PAX7: variants seen among roughly 807,000 people sequenced by gnomAD.
PAX7 encodes paired box protein Pax-7.
A neutral mutation model predicts 50.7 loss-of-function variants in PAX7; 18 were observed. That is an observed-to-expected ratio of 0.36 (90% confidence interval 0.25 to 0.53). PAX7 has a LOEUF of 0.53. Among genes scored for constraint, PAX7 ranks in the 20% least tolerant of loss-of-function variants. The probability of loss-of-function intolerance (pLI) is 0.93; values close to 1 mark genes in which losing one functional copy is unlikely to be tolerated. For synonymous variants in PAX7, 310 were observed against 290.4 expected, an observed-to-expected ratio of 1.07 and a Z score of -0.69; for missense variants, 644 against 702.9, an observed-to-expected ratio of 0.92 and a Z score of 0.95.
chr1:18,699,198 A>G (rs1263220221), intron 5 of PAX7, among the ~76,000 whole-genome samples: 2 of 152,198 alleles, frequency 1.3e-5, no homozygotes, highest in African/African-American at 2.4e-5. Context: ...TGTCCCGTGG[A>G]GCCTGAGTCT....
At chr1:18,645,328 A>G (rs562512726) in intron 4 of PAX7, among the ~76,000 whole-genome samples, 29 of 152,132 alleles carry the variant, frequency 1.9e-4, no homozygotes, top group African/African-American at 7.0e-4. Context: ...CCTTCACTGC[A>G]CTCTTTGTCT....
rs571089190 is a variant in PAX7, at chr1:18,633,463, G to C, written c.86-840G>C. Reference sequence around the variant, plus strand: ...CCGGTTCCCAAAGTCACCCCCACCCGGGGGGACTGTGTCCCATCTGCCTAC... The same window carrying C: ...CCGGTTCCCAAAGTCACCCCCACCCCGGGGGACTGTGTCCCATCTGCCTAC... On this transcript the variant is annotated intron_variant, in intron 1 of 8. Transcript: ENST00000420770. Among the ~76,000 whole-genome samples, 3 of 152,302 alleles carry C rather than the reference G, an allele frequency of 2.0e-5. No individual in the cohort carries two copies. In the South Asian group the frequency reaches 6.2e-4, roughly 32 times the overall value.
intron 7 of PAX7, among the ~76,000 whole-genome samples, chr1:18,705,056 G>T (rs536404920): frequency 2.0e-5 from 3 of 152,144 alleles, no homozygotes; most frequent in Admixed American, 2.0e-4. Context: ...GCCCTCTCAG[G>T]GTCCGCAGTA....
intron 4 of PAX7, among the ~76,000 whole-genome samples, chr1:18,670,659 G>A (rs546447539): frequency 2.2e-4 from 33 of 152,262 alleles, no homozygotes; most frequent in Non-Finnish European, 4.0e-4. Flanking sequence ...CTGTCCATCC[G>A]TCACACCAGA....
At chr1:18,640,767 G>A (rs2088238962) in intron 4 of PAX7, among the ~76,000 whole-genome samples, 1 of 151,754 alleles carries the variant, frequency 6.6e-6, no homozygotes. Flanking sequence ...CCGGCTTTAG[G>A]CAGCGCTCGG....
chr1:18,701,384 G>T (rs528314264), intron 6 of PAX7, among the ~76,000 whole-genome samples: 15 of 152,154 alleles, frequency 9.9e-5, no homozygotes, highest in African/African-American at 3.4e-4. Flanking sequence ...GAATGAGTGT[G>T]TGTGGGTGTG....
intron 4 of PAX7, among the ~76,000 whole-genome samples, chr1:18,652,267 G>A (rs769221582): frequency 4.0e-5 from 6 of 151,408 alleles, no homozygotes; most frequent in Non-Finnish European, 7.4e-5. Context: ...CATTGCCCCA[G>A]GAAGGTAGAG....
intron 7 of PAX7, among the ~76,000 whole-genome samples, chr1:18,708,534 G>C (rs1016165629): frequency 5.9e-5 from 9 of 152,052 alleles, no homozygotes; most frequent in Non-Finnish European, 1.2e-4. Context: ...CAGCCTAGGC[G>C]ACAGAGAGAG....
intron 4 of PAX7, among the ~76,000 whole-genome samples, chr1:18,668,100 A>C (rs2088695493): frequency 6.6e-6 from 1 of 152,122 alleles, no homozygotes; most frequent in African/African-American, 2.4e-5. Context: ...CACAAATCCC[A>C]GTGCCCAAGA....
chr1:18,744,922 C>A lies in PAX7; in HGVS notation c.1511C>A (p.Ala504Asp). Reference sequence around the variant, plus strand: ...CTCCTGCCTGTGGAAACTGGCCAGGCCTACTAGGGCCCCTGGGGCGACTTG... The same window carrying A: ...CTCCTGCCTGTGGAAACTGGCCAGGACTACTAGGGCCCCTGGGGCGACTTG... ...LGLLPVETGQ[A>D]Y Residue 504 changes from alanine (A) to aspartate (D), a missense_variant, in exon 9 of 9, where the codon GCC (alanine) becomes GAC (aspartate). By Grantham distance (126) the Ala-to-Asp change is moderately radical. Transcript: ENST00000420770. The A allele has an allele frequency of 6.5e-7, 1 of 1,537,078 alleles. No individual in the cohort carries two copies. Among genetic ancestry groups the A allele is most frequent in the African/African-American group, 1.4e-5 (1 of 72,952 alleles).
intron 4 of PAX7, among the ~76,000 whole-genome samples, chr1:18,680,575 G>A (rs2088885054): frequency 6.6e-6 from 1 of 152,154 alleles, no homozygotes; most frequent in Non-Finnish European, 1.5e-5. Flanking sequence ...ATGGCTGGTA[G>A]GAGGCAGATT....
chr1:18,714,198 C>T (rs1478308747), intron 7 of PAX7, among the ~76,000 whole-genome samples: 1 of 121,810 alleles, frequency 8.2e-6, no homozygotes, highest in East Asian at 2.7e-4. Flanking sequence ...CAGAATGAGG[C>T]TCCGTCTCAA....
intron 7 of PAX7, among the ~76,000 whole-genome samples, chr1:18,722,641 T>A (rs1454542183): frequency 1.3e-5 from 2 of 152,032 alleles, no homozygotes. Flanking sequence ...CGGCAGGGCG[T>A]CGACATAGCT....
At chr1:18,639,732 G>A (rs1284049904) in intron 4 of PAX7, among the ~76,000 whole-genome samples, 1 of 152,178 alleles carries the variant, frequency 6.6e-6, no homozygotes, top group Non-Finnish European at 1.5e-5. Flanking sequence ...TGGGAGCTGA[G>A]GGAGTGAGTG....
At chr1:18,739,469 A>G (rs1184846565) in intron 8 of PAX7, among the ~76,000 whole-genome samples, 1 of 152,252 alleles carries the variant, frequency 6.6e-6, no homozygotes, top group African/African-American at 2.4e-5. Flanking sequence ...ACGACCATTT[A>G]TTGAGCATCT....
chr1:18,636,610 G>T lies in PAX7; in HGVS notation c.586+239G>T, dbSNP rs2088162365. Among the ~76,000 whole-genome samples, 1 of 152,204 alleles carries T rather than the reference G, an allele frequency of 6.6e-6. No individual in the cohort carries two copies. Among genetic ancestry groups the T allele is most frequent in the Non-Finnish European group, 1.5e-5 (1 of 68,036 alleles). On this transcript the variant is annotated intron_variant, in intron 4 of 8. Coordinates refer to ENST00000420770, the MANE Select transcript of PAX7 (RefSeq NM_001135254.2). The surrounding 1 kb of genome is among the most constrained non-coding windows in gnomAD (Gnocchi z 5.1). ...TCTTTGCGCTATGGAGGCCGGGCAC[G>T]GACGGCCTGTGAGTCCCGGGAGAGC...
At position 18,638,533 on chromosome 1, in the gene PAX7, C is replaced by T. The variant is rs181485385; in HGVS notation, c.586+2162C>T. ...AGTGAGCCTGGTCTCCAGAAAGTCC[C>T]GCAGTTTTTGCGTGACAGTGGGTGT... On this transcript the variant is annotated intron_variant, in intron 4 of 8. Coordinates refer to ENST00000420770, the MANE Select transcript of PAX7 (RefSeq NM_001135254.2). 1.8e-4 allele frequency among the ~76,000 whole-genome samples: 28 copies of T among 152,302 alleles called. 1 individual carries two copies. The East Asian group carries it at 5.0e-3, about 27-fold the overall frequency.
chr1:18,651,721 G>T (rs1489222578), intron 4 of PAX7, among the ~76,000 whole-genome samples: 1 of 152,100 alleles, frequency 6.6e-6, no homozygotes, highest in Non-Finnish European at 1.5e-5. Context: ...AGCATCCTGA[G>T]TTGGAAGATT....
intron 4 of PAX7, among the ~76,000 whole-genome samples, chr1:18,681,149 A>G (rs1442218054): frequency 6.8e-6 from 1 of 147,678 alleles, no homozygotes; most frequent in Non-Finnish European, 1.5e-5. Context: ...CCTGGGCAAC[A>G]AGAGCAAAAC....
Sources: allele counts gnomAD v4.1 joint callset (sites outside exome capture counted in the v4.1 genomes callset), GRCh38; gene constraint gnomAD v4.1.1; non-coding constraint Gnocchi (gnomAD v3.1); transcripts MANE v1.5; gene names NCBI Gene and HGNC (gene_info 2026-07-23, HGNC 2026-07-21).